Variants in PTPN1 observed in about 807,000 individuals in gnomAD.
PTPN1 encodes tyrosine-protein phosphatase non-receptor type 1.
In PTPN1, 12 loss-of-function variants were observed where a neutral mutation model predicts 59.9. The ratio of observed to expected loss-of-function variants is 0.20; its 90% CI spans 0.13 to 0.32. The LOEUF (loss-of-function observed/expected upper bound fraction) is 0.32, where lower values mean the gene tolerates loss of function less well. PTPN1 is among the 10% of genes least tolerant of loss of function. The pLI, the probability that PTPN1 is intolerant of heterozygous loss-of-function variation, is 1.00. For missense variants in PTPN1, 356 were observed against 549.2 expected, an observed-to-expected ratio of 0.65 and a Z score of 3.52; for synonymous variants, 178 against 203.6, an observed-to-expected ratio of 0.87 and a Z score of 1.07.
intron 1 of PTPN1, among the ~76,000 whole-genome samples, chr20:50,524,742 A>G (rs1434178136): frequency 6.6e-6 from 1 of 151,116 alleles, no homozygotes; most frequent in East Asian, 1.9e-4. Flanking sequence ...ACGCCCAGCT[A>G]ATTTTTGGTA....
Position 50,579,739 on chromosome 20 carries a change from C to T in PTPN1, c.901C>T (p.Pro301Ser). 2.5e-6 allele frequency: 4 copies of T among 1,612,680 alleles called. No individual in the cohort carries two copies. The highest frequency in any genetic ancestry group is 2.5e-6 in the Non-Finnish European group (3 of 1,179,746). The change falls in exon 8 of 10, where the codon CCC becomes TCC. Residue 301 changes from proline to serine, a missense_variant. Pro to Ser is a moderately conservative substitution (Grantham distance 74). Around this residue, in one of 3 missense-constraint regions of PTPN1, gnomAD observed 100 missense variants for 107.7 expected, o/e 0.93. Coordinates refer to ENST00000371621, the MANE Select transcript of PTPN1 (RefSeq NM_002827.4). ...GGAGCTTTCCCACGAGGACCTGGAG[C>T]CCCCACCCGAGCATATCCCCCCACC... The part of the protein sequence containing the change: ...WKELSHEDLE[P>S]PPEHIPPPPR...
chr20:50,525,901 T>G (rs545087009), intron 1 of PTPN1, among the ~76,000 whole-genome samples: 1 of 152,112 alleles, frequency 6.6e-6, no homozygotes, highest in Non-Finnish European at 1.5e-5. Context: ...GTAGCCGTTA[T>G]ATGGCCACTG....
At chr20:50,531,566 G>A (rs1448896614) in intron 1 of PTPN1, among the ~76,000 whole-genome samples, 4 of 152,120 alleles carry the variant, frequency 2.6e-5, no homozygotes, top group East Asian at 1.9e-4. Context: ...TGGTAGAAAC[G>A]GGGTTTCACC....
At position 50,579,910 on chromosome 20, in the gene PTPN1, C is replaced by G; in HGVS notation, c.1072C>G (p.Pro358Ala). The G allele has an allele frequency of 1.2e-6, 2 of 1,613,428 alleles. No individual in the cohort carries two copies. The highest frequency in any genetic ancestry group is 3.3e-4 in the Middle Eastern group (2 of 6,058). ...AAAAGGAAGCCCCTTAAATGCCGCA[C>G]CCTACGGCATCGAAAGGTAATATGA... ...EEKGSPLNAA[P>A]YGIESMSQDT... The change falls in exon 8 of 10, where the codon CCC becomes GCC. Residue 358 changes from proline (P) to alanine (A), a missense_variant. This residue lies in a region of PTPN1 where 100 missense variants were observed against 107.7 expected (regional missense o/e 0.93). Coordinates refer to ENST00000371621, the MANE Select transcript of PTPN1 (RefSeq NM_002827.4).
intron 2 of PTPN1, among the ~76,000 whole-genome samples, chr20:50,564,456 T>C (rs1247739712): frequency 6.6e-6 from 1 of 152,004 alleles, no homozygotes; most frequent in Admixed American, 6.6e-5. Flanking sequence ...TAGGTGAGCA[T>C]GGTGGCCTGC....
chr20:50,568,881 C>T lies in PTPN1; in HGVS notation c.354+403C>T, dbSNP rs548877646. Among the ~76,000 whole-genome samples the T allele has an allele frequency of 6.6e-6, 1 of 152,198 alleles. No homozygotes were observed. The highest frequency in any genetic ancestry group is 1.9e-4 in the East Asian group (1 of 5,170). On this transcript the variant is annotated intron_variant, in intron 4 of 9. Transcript: ENST00000371621. This position sits in a 1 kb window ranked among gnomAD's most constrained non-coding sequence, Gnocchi z 5.6. Reference sequence around the variant, plus strand: ...TTTTGGCTGGTGAGAGTGTGGCTACCTCTGCGGAGCTGTGGGAGCGGCTGA... The same window carrying T: ...TTTTGGCTGGTGAGAGTGTGGCTACTTCTGCGGAGCTGTGGGAGCGGCTGA...
chr20:50,563,574 C>A (rs1336899475), intron 2 of PTPN1, among the ~76,000 whole-genome samples: 1 of 152,162 alleles, frequency 6.6e-6, no homozygotes, highest in African/African-American at 2.4e-5. Context: ...TAAAAATTAT[C>A]CAAGTATCTT....
At chr20:50,550,149 AT>A (rs1258845862) in intron 1 of PTPN1, among the ~76,000 whole-genome samples, 2 of 152,102 alleles carry the variant, frequency 1.3e-5, no homozygotes, top group African/African-American at 2.4e-5. Context: ...CACTTACTGC[AT>A]TTTAAATCAT....
In PTPN1 at chr20:50,582,427, C is replaced by A. The variant is rs370617559; in HGVS notation, c.1285-265C>A. ...CTCAGAGCTCTGGCCATGGAAATGACCTCCTAAGACTTTTTCGTGGTTTTA... is the reference window on the plus strand; with the variant it reads ...CTCAGAGCTCTGGCCATGGAAATGAACTCCTAAGACTTTTTCGTGGTTTTA... On this transcript the variant is annotated intron_variant, in intron 9 of 9. Transcript: ENST00000371621. The surrounding 1 kb of genome is among the most constrained non-coding windows in gnomAD (Gnocchi z 4.2). Among the ~76,000 whole-genome samples the A allele has an allele frequency of 8.5e-5, 13 of 152,230 alleles. No homozygotes were observed. Among genetic ancestry groups the A allele is most frequent in the African/African-American group, 3.1e-4 (13 of 41,450 alleles).
chr20:50,510,604 C>G lies in PTPN1; in HGVS notation c.63+14C>G, dbSNP rs1240075816. On this transcript the variant is annotated intron_variant, in intron 1 of 9. Transcript: ENST00000371621. ...GCCATTTACCAGGTGCGGGAGCGCC[C>G]CGGAGCGTGGCGGGCCCTTCGCTTA... The G allele has an allele frequency of 6.4e-7, 1 of 1,550,550 alleles. No homozygotes were observed. Among genetic ancestry groups the G allele is most frequent in the Non-Finnish European group, 8.7e-7 (1 of 1,146,450 alleles).
At position 50,579,199 on chromosome 20, in the gene PTPN1, A is replaced by G; in HGVS notation, c.734A>G (p.Asp245Gly). 3.7e-6 allele frequency: 6 copies of G among 1,614,242 alleles called. No individual in the cohort carries two copies. Among genetic ancestry groups the G allele is most frequent in the Non-Finnish European group, 4.2e-6 (5 of 1,180,036 alleles). The change falls in exon 7 of 10, where the codon GAT (aspartate) becomes GGT (glycine). Residue 245 changes from aspartate (D) to glycine (G), a missense_variant. Coordinates refer to ENST00000371621, the MANE Select transcript of PTPN1 (RefSeq NM_002827.4). ...MDKRKDPSSV[D>G]IKKVLLEMRK... is the part of the protein sequence containing the mutation. ...AAGAGGAAAGACCCTTCTTCCGTTGATATCAAGAAAGTGCTGTTAGAAATG... is the reference window on the plus strand; with the variant it reads ...AAGAGGAAAGACCCTTCTTCCGTTGGTATCAAGAAAGTGCTGTTAGAAATG...
chr20:50,572,389 T>G (rs1055467516), intron 4 of PTPN1: 2 of 152,278 alleles, frequency 1.3e-5, no homozygotes, highest in Non-Finnish European at 2.9e-5. Context: ...CATAGCTTGT[T>G]GCTGTAGACA....
chr20:50,561,130 C>T lies in PTPN1; in HGVS notation c.64-233C>T, dbSNP rs372265917. Among the ~76,000 whole-genome samples the T allele has an allele frequency of 1.1e-3, 162 of 152,288 alleles. 2 individuals are homozygous for T. In the South Asian group the frequency reaches 0.032, roughly 30 times the overall value. Reference sequence around the variant, plus strand: ...GGGTGTTCCAGAGTGAATTGTCCCTCCTGTCTGTCTCTCTGCCCTCTTCCT... The same window carrying T: ...GGGTGTTCCAGAGTGAATTGTCCCTTCTGTCTGTCTCTCTGCCCTCTTCCT... On this transcript the variant is annotated intron_variant, in intron 1 of 9. Transcript: ENST00000371621.
In PTPN1 at chr20:50,528,748, A is replaced by T. The variant is rs1225388462; in HGVS notation, c.63+18158A>T. ...AAAGACTCCATCTTAAAAAAAAAAA[A>T]AAAGAAAAAAGAAAGAAAATACCCA... On this transcript the variant is annotated intron_variant, in intron 1 of 9. Coordinates refer to ENST00000371621, the MANE Select transcript of PTPN1 (RefSeq NM_002827.4). Among the ~76,000 whole-genome samples the T allele has an allele frequency of 2.0e-5, 3 of 150,138 alleles. No individual in the cohort carries two copies. In the East Asian group the frequency reaches 5.8e-4, roughly 29 times the overall value.
Position 50,579,269 on chromosome 20 carries a change from C to T in PTPN1, c.804C>T (p.Arg268=), listed in dbSNP as rs2082853194. The change falls in exon 7 of 10, where the codon CGC becomes CGT. Residue 268 remains arginine (R), a synonymous_variant. Coordinates refer to ENST00000371621, the MANE Select transcript of PTPN1 (RefSeq NM_002827.4). The stretch of plus-strand genomic sequence containing the variant: ...TGATCCAGACAGCCGACCAGCTGCG[C>T]TTCTCCTACCTGGCTGTGATCGAAG... ...MGLIQTADQL[R]FSYLAVIEGA... 6.2e-7 allele frequency: 1 copy of T among 1,614,128 alleles called. No individual in the cohort carries two copies. The highest frequency in any genetic ancestry group is 1.3e-5 in the African/African-American group (1 of 74,944).
intron 8 of PTPN1, 135 bp from the exon 9 acceptor site, chr20:50,581,130 C>T (rs2082866180): frequency 1.4e-6 from 2 of 1,381,818 alleles, no homozygotes; most frequent in South Asian, 1.7e-5. Context: ...GGGGCTGGCT[C>T]GCTGGAAGGT....
intron 7 of PTPN1, 152 bp from the exon 8 acceptor site, chr20:50,579,551 T>G (rs2082854795): frequency 1.1e-6 from 1 of 893,434 alleles, no homozygotes; most frequent in South Asian, 1.6e-5. Flanking sequence ...GAGACTTTAT[T>G]TTCAAAAGAT....
chr20:50,543,004 A>C (rs1438929225), intron 1 of PTPN1, among the ~76,000 whole-genome samples: 1 of 152,222 alleles, frequency 6.6e-6, no homozygotes, highest in Non-Finnish European at 1.5e-5. Flanking sequence ...ATTATATGAA[A>C]TAGGTACTCT....
At chr20:50,575,451 G>A (rs2082832121) in intron 5 of PTPN1, among the ~76,000 whole-genome samples, 1 of 152,212 alleles carries the variant, frequency 6.6e-6, no homozygotes, top group African/African-American at 2.4e-5. Context: ...GGAAGGGTTA[G>A]CAGTTACCAT....
Sources: allele counts gnomAD v4.1 joint callset (sites outside exome capture counted in the v4.1 genomes callset), GRCh38; gene constraint gnomAD v4.1.1; regional missense constraint gnomAD v4.1.1; non-coding constraint Gnocchi (gnomAD v3.1); transcripts MANE v1.5; gene names NCBI Gene and HGNC (gene_info 2026-07-23, HGNC 2026-07-21).